AGBL5: variants seen among roughly 807,000 people sequenced by gnomAD.
AGBL5 encodes the protein AGBL carboxypeptidase 5.
A neutral mutation model predicts 88.0 loss-of-function variants in AGBL5; 51 were observed. The ratio of observed to expected loss-of-function variants is 0.58; its 90% confidence interval spans 0.46 to 0.73. AGBL5 has a LOEUF of 0.73. Among genes scored for constraint, AGBL5 ranks in the 30% least tolerant of loss-of-function variants. AGBL5 has a pLI of 0.00. For missense variants in AGBL5, 1,031 were observed against 1,162.2 expected, an observed-to-expected ratio of 0.89 and a Z score of 1.64; for synonymous variants, 446 against 438.8, an observed-to-expected ratio of 1.02 and a Z score of -0.21.
At chr2:27,055,656 C>T in intron 6 of AGBL5, 26 bp from the exon 7 acceptor site, 1 of 1,598,748 alleles carries the variant, frequency 6.3e-7, no homozygotes, top group South Asian at 1.1e-5. Flanking sequence ...CCTCTAGAAC[C>T]TGCTTCAGTC....
In AGBL5 at chr2:27,055,846, C is replaced by A. The variant is rs1216053018; in HGVS notation, c.1073C>A (p.Pro358His). Residue 358 changes from proline to histidine, a missense_variant, in exon 7 of 15, where the codon CCT becomes CAT. Pro to His is a moderately conservative substitution (Grantham distance 77). Transcript: ENST00000360131. The part of the protein sequence containing the change: ...SEHQPSSCLP[P>H]DAPVSDLEKA... ...CACCAGCCCAGTTCCTGTCTCCCTC[C>A]TGATGCTCCTGTTTCTGACCTGGAG... 2 of 1,614,226 alleles carry A rather than the reference C, an allele frequency of 1.2e-6. No individual in the cohort carries two copies. Among genetic ancestry groups the A allele is most frequent in the Non-Finnish European group, 1.7e-6 (2 of 1,180,044 alleles).
In AGBL5 at chr2:27,070,402, T is replaced by A; in HGVS notation, c.*139T>A. On this transcript the variant is annotated 3_prime_UTR_variant, in exon 15 of 15. Transcript: ENST00000360131. ...ATGCCAGCCACGCTGTCCAAGGCAT[T>A]ACAGAGTATCACCTTGAGACAGAAC... is the stretch of plus-strand genomic sequence containing the variant. 1 of 847,898 alleles carries A rather than the reference T, an allele frequency of 1.2e-6. No individual in the cohort carries two copies. The highest frequency in any genetic ancestry group is 1.9e-6 in the Non-Finnish European group (1 of 533,646). The allele number at this position is 847,898 out of a possible 1,614,324, so 52.5% of individuals were successfully genotyped here.
At chr2:27,069,937 T>G in intron 14 of AGBL5, 155 bp from the exon 15 acceptor site, 1 of 985,480 alleles carries the variant, frequency 1.0e-6, no homozygotes, top group Non-Finnish European at 1.2e-6. Flanking sequence ...AGGAGCTGGC[T>G]GGTTCCAGCG....
chr2:27,054,928 C>T (rs1668354976), intron 5 of AGBL5, 121 bp downstream of exon 5: 1 of 1,490,024 alleles, frequency 6.7e-7, no homozygotes, highest in East Asian at 2.3e-5. Context: ...CAGCGTGCGG[C>T]AAGGGTGATG....
At chr2:27,069,943 C>A (rs1669195129) in intron 14 of AGBL5, 149 bp from the exon 15 acceptor site, 53 of 1,486,816 alleles carry the variant, frequency 3.6e-5, no homozygotes, top group Non-Finnish European at 4.7e-5. Flanking sequence ...TGGCTGGTTC[C>A]AGCGTCAAAC....
rs1264330614 is a variant in AGBL5, at chr2:27,057,424, G to C, written c.1657G>C (p.Glu553Gln). ...GGCTTTCCCCTCCAGATACACTGTGGAACTATTTGAGCAGGTATGAATACA... is the reference window on the plus strand; with the variant it reads ...GGCTTTCCCCTCCAGATACACTGTGCAACTATTTGAGCAGGTATGAATACA... ...PPAFPSRYTVELFEQVGRAMA... is the reference protein window; with the variant it reads ...PPAFPSRYTVQLFEQVGRAMA... The change falls in exon 9 of 15, where the codon GAA becomes CAA. Residue 553 changes from glutamate to glutamine, a missense_variant. Physicochemically the swap from Glu to Gln is conservative, Grantham distance 29 (BLOSUM62 2). Coordinates refer to ENST00000360131, the MANE Select transcript of AGBL5 (RefSeq NM_021831.6). 6.2e-7 allele frequency: 1 copy of C among 1,612,046 alleles called. No individual in the cohort carries two copies. The highest frequency in any genetic ancestry group is 1.7e-5 in the Admixed American group (1 of 59,752).
In AGBL5 at chr2:27,056,142, G is replaced by A; in HGVS notation, c.1365+4G>A. 1 of 1,606,866 alleles carries A rather than the reference G, an allele frequency of 6.2e-7. No homozygotes were observed. Among genetic ancestry groups the A allele is most frequent in the African/African-American group, 1.3e-5 (1 of 74,920 alleles). On this transcript the variant is annotated splice_donor_region_variant and intron_variant, in intron 7 of 14. Coordinates refer to ENST00000360131, the MANE Select transcript of AGBL5 (RefSeq NM_021831.6). The stretch of plus-strand genomic sequence containing the variant: ...CTTTAGTGATGAGAGCACCCAGGTG[G>A]GAATCCTAAGAATGTCATGTGAGTG...
At chr2:27,054,110 C>T (rs1668311945) in intron 4 of AGBL5, 51 bp downstream of exon 4, 1 of 1,537,562 alleles carries the variant, frequency 6.5e-7, no homozygotes, top group Non-Finnish European at 8.8e-7. Context: ...CAGACAGCAC[C>T]TCCACTACTT....
chr2:27,050,538 T>C (rs546302618), upstream of AGBL5, among the ~76,000 whole-genome samples: 163 of 152,282 alleles, frequency 1.1e-3, 1 homozygote, highest in African/African-American at 3.8e-3. Context: ...CCGCGGGGTG[T>C]TGGGAACATT....
chr2:27,055,230 T>C lies in AGBL5; in HGVS notation c.885T>C (p.Asp295=), dbSNP rs1255978970. The C allele has an allele frequency of 1.9e-6, 3 of 1,614,206 alleles. No individual in the cohort carries two copies. The highest frequency in any genetic ancestry group is 3.3e-5 in the Admixed American group (2 of 60,024). Residue 295 remains aspartate, a synonymous_variant, in exon 6 of 15, where the codon GAT becomes GAC. Coordinates refer to ENST00000360131, the MANE Select transcript of AGBL5 (RefSeq NM_021831.6). ...AGCTGATTCCCATGTTGAACCCCGA[T>C]GGTGTGGTCCGGGGACACTACCGGT... ...VFKLIPMLNP[D]GVVRGHYRTD... is the part of the protein sequence containing the mutation.
In AGBL5 at chr2:27,053,855, A is replaced by G. The variant is rs1668296925; in HGVS notation, c.388-41A>G. On this transcript the variant is annotated intron_variant, in intron 3 of 14. Coordinates refer to ENST00000360131, the MANE Select transcript of AGBL5 (RefSeq NM_021831.6). This position sits in a 1 kb window ranked among gnomAD's most constrained non-coding sequence, Gnocchi z 4.9. ...GTCCCAGTAGGAGCTCAGTTCTGAC[A>G]ATGGCATGTTGCCCCTCCCTCTTCC... is the stretch of plus-strand genomic sequence containing the variant. 1.3e-6 allele frequency: 2 copies of G among 1,584,600 alleles called. No individual in the cohort carries two copies. Among genetic ancestry groups the G allele is most frequent in the Non-Finnish European group, 1.7e-6 (2 of 1,161,894 alleles).
At chr2:27,058,965 G>A (rs1438457205) in intron 10 of AGBL5, among the ~76,000 whole-genome samples, 3 of 152,176 alleles carry the variant, frequency 2.0e-5, no homozygotes, top group African/African-American at 7.2e-5. Context: ...AAATTCATTG[G>A]GAGATAAAGC....
Position 27,067,631 on chromosome 2 carries a change from T to G in AGBL5, c.2227T>G (p.Ser743Ala), listed in dbSNP as rs779635578. The change falls in exon 12 of 15, where the codon TCA becomes GCA. Residue 743 changes from serine (S) to alanine (A), a missense_variant. Coordinates refer to ENST00000360131, the MANE Select transcript of AGBL5 (RefSeq NM_021831.6). ...GCTGGGCTCCTGTCTACTGCCTGATTCATTCAACATACCAGGTCTGTACCC... is the reference window on the plus strand; with the variant it reads ...GCTGGGCTCCTGTCTACTGCCTGATGCATTCAACATACCAGGTCTGTACCC... ...HKLGSCLLPDSFNIPGSSCSL... is the reference protein window; with the variant it reads ...HKLGSCLLPDAFNIPGSSCSL... The G allele has an allele frequency of 9.6e-5, 155 of 1,613,082 alleles. 1 individual carries two copies. Among genetic ancestry groups the G allele is most frequent in the Middle Eastern group, 3.3e-4 (2 of 6,056 alleles).
chr2:27,054,179 A>C, intron 4 of AGBL5, 120 bp downstream of exon 4: 3 of 1,249,692 alleles, frequency 2.4e-6, no homozygotes, highest in Non-Finnish European at 1.1e-6. Flanking sequence ...TCTGTACAGA[A>C]TGTACAGACA....
At chr2:27,064,100 G>A (rs1668857792) in intron 11 of AGBL5, among the ~76,000 whole-genome samples, 1 of 152,100 alleles carries the variant, frequency 6.6e-6, no homozygotes, top group Non-Finnish European at 1.5e-5. Flanking sequence ...TGCCTACTGT[G>A]CACTGTCAGC....
rs764006510 is a variant in AGBL5 at position 27,059,421 on chromosome 2, G to C, written c.2089+17G>C. The C allele has an allele frequency of 1.2e-6, 2 of 1,613,876 alleles. No homozygotes were observed. The highest frequency in any genetic ancestry group is 1.7e-5 in the Admixed American group (1 of 60,012). On this transcript the variant is annotated intron_variant, in intron 11 of 14. Transcript: ENST00000360131. ...CCGTCAGAGGTAAGCCAGTCTGGGA[G>C]CCCCTGCAACATGTGTTCGGTTGTC...
chr2:27,063,728 C>T (rs895565156), intron 11 of AGBL5, among the ~76,000 whole-genome samples: 1 of 152,120 alleles, frequency 6.6e-6, no homozygotes, highest in Non-Finnish European at 1.5e-5. Context: ...GGGAGGATGA[C>T]ACACAGGACC....
In AGBL5 at chr2:27,052,929, G is replaced by C. The variant is rs374040291; in HGVS notation, c.-30G>C. The C allele has an allele frequency of 9.1e-6, 14 of 1,543,392 alleles. No individual in the cohort carries two copies. The highest frequency in any genetic ancestry group is 1.2e-5 in the South Asian group (1 of 81,726). On this transcript the variant is annotated 5_prime_UTR_variant, in exon 2 of 15. Coordinates refer to ENST00000360131, the MANE Select transcript of AGBL5 (RefSeq NM_021831.6). ...TTCCCCCAGCTCTCAGGGCCAGAGC[G>C]GGGCAGGAGGATGCTTTCCCAGCCC...
In AGBL5 at chr2:27,059,312, G is replaced by T; in HGVS notation, c.1997G>T (p.Ser666Ile). 5.0e-6 allele frequency: 8 copies of T among 1,614,220 alleles called. No homozygotes were observed. Among genetic ancestry groups the T allele is most frequent in the Non-Finnish European group, 5.9e-6 (7 of 1,180,036 alleles). The part of the protein sequence containing the change: ...QNSPQMKNSP[S>I]FPFHGSRPAG... The stretch of plus-strand genomic sequence containing the variant: ...TCTCCACAGATGAAGAATTCCCCCA[G>T]CTTTCCTTTTCATGGCAGTCGGCCT... The change falls in exon 11 of 15, where the codon AGC becomes ATC. Residue 666 changes from serine to isoleucine, a missense_variant. Ser to Ile is a moderately radical substitution (Grantham distance 142). Around this residue, in one of 2 missense-constraint regions of AGBL5, gnomAD observed 491 missense variants for 484.0 expected, o/e 1.01. Coordinates refer to ENST00000360131, the MANE Select transcript of AGBL5 (RefSeq NM_021831.6).
Sources: allele counts gnomAD v4.1 joint callset (sites outside exome capture counted in the v4.1 genomes callset), GRCh38; gene constraint gnomAD v4.1.1; regional missense constraint gnomAD v4.1.1; non-coding constraint Gnocchi (gnomAD v3.1); transcripts MANE v1.5; gene names NCBI Gene and HGNC (gene_info 2026-07-23, HGNC 2026-07-21).